Variants in DLGAP2 observed in about 807,000 individuals in gnomAD.
DLGAP2 encodes DLG associated protein 2.
A neutral mutation model predicts 100.3 loss-of-function variants in DLGAP2; 26 were observed. That is an observed-to-expected ratio of 0.26 (90% CI 0.19 to 0.36). DLGAP2 has a LOEUF of 0.36. Ranked by LOEUF, DLGAP2 falls within the 10% of genes least tolerant of loss-of-function variation. The pLI is 1.00. For synonymous variants in DLGAP2, 886 were observed against 630.1 expected (o/e 1.41, Z -6.08); for missense variants, 1,858 against 1,453.2 (o/e 1.28, Z -4.53).
At chr8:912,818 A>G (rs1446945169) in intron 2 of DLGAP2, among the ~76,000 whole-genome samples, 1 of 137,926 alleles carries the variant, frequency 7.3e-6, no homozygotes, top group Non-Finnish European at 1.6e-5. Flanking sequence ...TTCCCACACC[A>G]CAGTGTCCAT....
chr8:1,066,511 A>C (rs909605670), intron 2 of DLGAP2, among the ~76,000 whole-genome samples: 8 of 149,864 alleles, frequency 5.3e-5, no homozygotes, highest in African/African-American at 1.5e-4. Context: ...GAGTGAGGAC[A>C]GTTCCCCACC....
chr8:1,284,039 CA>C (rs1348661435), intron 3 of DLGAP2, among the ~76,000 whole-genome samples: 2 of 152,210 alleles, frequency 1.3e-5, no homozygotes, highest in African/African-American at 2.4e-5. Context: ...TTTTCTATGA[CA>C]AGTATGTGGC....
chr8:801,005 C>T (rs1796141315), intron 1 of DLGAP2, among the ~76,000 whole-genome samples: 1 of 152,148 alleles, frequency 6.6e-6, no homozygotes, highest in Non-Finnish European at 1.5e-5. Context: ...CCTGATACAC[C>T]TTCAATGGCT....
intron 3 of DLGAP2, among the ~76,000 whole-genome samples, chr8:1,457,665 T>G (rs1216541547): frequency 1.3e-5 from 2 of 152,104 alleles, no homozygotes; most frequent in East Asian, 3.9e-4. Context: ...CTCACTATGT[T>G]AATTGCCATA....
At chr8:1,457,323 A>G (rs1190091064) in intron 3 of DLGAP2, among the ~76,000 whole-genome samples, 1 of 152,184 alleles carries the variant, frequency 6.6e-6, no homozygotes, top group African/African-American at 2.4e-5. Flanking sequence ...GCAGAGAGAA[A>G]ACAAACGTCT....
Position 1,270,624 on chromosome 8 carries a change from G to A in DLGAP2, c.106+11741G>A, listed in dbSNP as rs184242344. 1.6e-4 allele frequency among the ~76,000 whole-genome samples: 24 copies of A among 152,124 alleles called. No homozygotes were observed. In the East Asian group the frequency reaches 2.3e-3, roughly 15 times the overall value. ...AGAACGTAACTTCTCTGACCCTGAC[G>A]TTCTCCCAGTAAAATTTCCTTTGCC... On this transcript the variant is annotated intron_variant, in intron 3 of 14. Coordinates refer to ENST00000637795, the MANE Select transcript of DLGAP2 (RefSeq NM_001346810.2).
intron 2 of DLGAP2, among the ~76,000 whole-genome samples, chr8:1,234,743 A>T (rs1032630455): frequency 6.6e-6 from 1 of 152,152 alleles, no homozygotes; most frequent in Non-Finnish European, 1.5e-5. Context: ...CTTTCTGGGA[A>T]CTCATAGGTG....
rs933703003 is a variant in DLGAP2 at position 1,411,259 on chromosome 8, A to G, written c.107-90107A>G. 3.9e-5 allele frequency among the ~76,000 whole-genome samples: 6 copies of G among 152,362 alleles called. No individual in the cohort carries two copies. In the East Asian group the frequency reaches 5.8e-4, roughly 15 times the overall value. On this transcript the variant is annotated intron_variant, in intron 3 of 14. Coordinates refer to ENST00000637795, the MANE Select transcript of DLGAP2 (RefSeq NM_001346810.2). ...ATATTGTGTCTTTTAACAATGTGCA[A>G]TGCATAGCTACATTATATACTATAA...
intron 2 of DLGAP2, among the ~76,000 whole-genome samples, chr8:1,191,169 A>T (rs1172750317): frequency 7.2e-6 from 1 of 139,518 alleles, no homozygotes. Context: ...ATATAAGTAG[A>T]TACATTTTTT....
intron 2 of DLGAP2, among the ~76,000 whole-genome samples, chr8:1,055,270 C>G (rs115396592): frequency 1.3e-5 from 2 of 152,172 alleles, no homozygotes; most frequent in Admixed American, 6.5e-5. Context: ...TTTCTTGAAA[C>G]AGAAGATGAG....
chr8:1,381,825 T>TGTGTGTGTG (rs1247904894), intron 3 of DLGAP2, among the ~76,000 whole-genome samples: 4 of 101,460 alleles, frequency 3.9e-5, no homozygotes, highest in African/African-American at 1.1e-4. Flanking sequence ...GTGTGTGTGT[T>TGTGTGTGTG]TGTATCACAT....
At chr8:1,086,576 C>A (rs1803980731) in intron 2 of DLGAP2, among the ~76,000 whole-genome samples, 1 of 151,976 alleles carries the variant, frequency 6.6e-6, no homozygotes, top group Non-Finnish European at 1.5e-5. Flanking sequence ...AAAAGATATT[C>A]CATGCAAATG....
At chr8:1,331,927 C>G (rs1027362177) in intron 3 of DLGAP2, among the ~76,000 whole-genome samples, 1 of 152,108 alleles carries the variant, frequency 6.6e-6, no homozygotes, top group Non-Finnish European at 1.5e-5. Flanking sequence ...GCAAACAATC[C>G]CTAGGGAGCC....
intron 3 of DLGAP2, among the ~76,000 whole-genome samples, chr8:1,383,851 C>G (rs1485139790): frequency 1.3e-5 from 2 of 152,188 alleles, no homozygotes; most frequent in Non-Finnish European, 2.9e-5. Flanking sequence ...TAATGAATCT[C>G]TTCACTCTTC....
chr8:1,481,926 C>T (rs911240759), intron 3 of DLGAP2, among the ~76,000 whole-genome samples: 1 of 152,218 alleles, frequency 6.6e-6, no homozygotes, highest in African/African-American at 2.4e-5. Context: ...ACCCGATTAT[C>T]CTTCTGATGC....
chr8:1,127,295 C>A (rs1796189911), intron 2 of DLGAP2, among the ~76,000 whole-genome samples: 1 of 151,848 alleles, frequency 6.6e-6, no homozygotes, highest in African/African-American at 2.4e-5. Flanking sequence ...CGGGTGAACC[C>A]CCATTCTCTT....
chr8:939,926 G>T (rs1276137139), intron 2 of DLGAP2, among the ~76,000 whole-genome samples: 3 of 151,902 alleles, frequency 2.0e-5, no homozygotes, highest in Non-Finnish European at 2.9e-5. Flanking sequence ...GGGGATGGCT[G>T]AGGCCTTCCC....
At chr8:1,227,807 C>T (rs1798452673) in intron 2 of DLGAP2, among the ~76,000 whole-genome samples, 1 of 152,012 alleles carries the variant, frequency 6.6e-6, no homozygotes, top group Non-Finnish European at 1.5e-5. Context: ...ATAAGATGAA[C>T]AAGTCTGGAG....
At chr8:1,648,251 T>G (rs564167974) in intron 8 of DLGAP2, among the ~76,000 whole-genome samples, 68 of 152,370 alleles carry the variant, frequency 4.5e-4, no homozygotes, top group Non-Finnish European at 7.5e-4. Context: ...GCTGTTAGCC[T>G]TGGCATCGAC....
Sources: allele counts gnomAD v4.1 joint callset (sites outside exome capture counted in the v4.1 genomes callset), GRCh38; gene constraint gnomAD v4.1.1; transcripts MANE v1.5; gene names NCBI Gene and HGNC (gene_info 2026-07-23, HGNC 2026-07-21).